The following SEMA3C variants were observed in gnomAD, a reference collection of about 807,000 sequenced individuals.
SEMA3C encodes the protein semaphorin 3C.
SEMA3C carries 47 observed loss-of-function variants against 89.4 expected under a neutral mutation model. That is an observed-to-expected ratio of 0.53 (90% CI 0.42 to 0.67). The LOEUF (loss-of-function observed/expected upper bound fraction) is 0.67. SEMA3C is among the 30% of genes least tolerant of loss of function. The probability of loss-of-function intolerance (pLI) is 0.00; values close to 1 mark genes in which losing one functional copy is unlikely to be tolerated. For synonymous variants in SEMA3C, 310 were observed against 320.2 expected (o/e 0.97, Z 0.34); for missense variants, 839 against 929.1 (o/e 0.90, Z 1.26).
At chr7:80,804,705 C>T (rs1158966431) in intron 7 of SEMA3C, among the ~76,000 whole-genome samples, 1 of 152,056 alleles carries the variant, frequency 6.6e-6, no homozygotes, top group African/African-American at 2.4e-5. Context: ...GGAAAAACAG[C>T]GTCATTAGTC....
chr7:80,880,411 C>T (rs1450077336), intron 2 of SEMA3C, among the ~76,000 whole-genome samples: 2 of 152,186 alleles, frequency 1.3e-5, no homozygotes, highest in East Asian at 3.9e-4. Context: ...GTCTCTAACT[C>T]AGTATCTGGC....
rs758252133 is a variant in SEMA3C, at chr7:80,802,716, C to G, written c.865G>C (p.Val289Leu). The part of the protein sequence containing the change: ...KWTTFLKARL[V>L]CSVTDEDGPE... ...CCGTCTTCATCTGTTACCGAGCACA[C>G]CAGCCTCGCCTTTAAGAAAGTGGTC... Residue 289 changes from valine to leucine, a missense_variant, in exon 9 of 18, where the codon GTG becomes CTG. Transcript: ENST00000265361. 5 of 1,613,594 alleles carry G rather than the reference C, an allele frequency of 3.1e-6. No individual in the cohort carries two copies. In the East Asian group the frequency reaches 1.1e-4, roughly 36 times the overall value.
chr7:80,900,249 G>A (rs1283729980), intron 2 of SEMA3C, among the ~76,000 whole-genome samples: 3 of 152,032 alleles, frequency 2.0e-5, no homozygotes, highest in African/African-American at 7.2e-5. Context: ...GGGTAGCTGG[G>A]ACTACAGGTG....
In SEMA3C at chr7:80,750,473, T is replaced by TATATATACACAC. The variant is rs869227686; in HGVS notation, c.1711+795_1711+796insGTGTGTATATAT. Reference sequence around the variant, plus strand: ...ATATATATATATATATATATATATATACACACACACACACACACACACACA... The same window carrying TATATATACACAC: ...ATATATATATATATATATATATATATATATATACACACACACACACACACACACACACACACA... On this transcript the variant is annotated intron_variant, in intron 16 of 17. Coordinates refer to ENST00000265361, the MANE Select transcript of SEMA3C (RefSeq NM_006379.5). Among the ~76,000 whole-genome samples, 160 of 55,306 alleles carry TATATATACACAC rather than the reference T, an allele frequency of 2.9e-3. 1 individual carries two copies. Among genetic ancestry groups the TATATATACACAC allele is most frequent in the Non-Finnish European group, 3.6e-3 (101 of 28,342 alleles). 36.3% of individuals were successfully genotyped at this position (55,306 alleles called of 152,430 possible). A position where few individuals can be genotyped will look rare whatever the true frequency, so the allele number is the denominator to read the frequency against.
At chr7:80,813,575 A>G (rs1180662520) in intron 5 of SEMA3C, among the ~76,000 whole-genome samples, 1 of 152,228 alleles carries the variant, frequency 6.6e-6, no homozygotes, top group Non-Finnish European at 1.5e-5. Flanking sequence ...TATATCCACT[A>G]ATACATGAGA....
Position 80,749,568 on chromosome 7 carries a change from A to G in SEMA3C, c.1712-540T>C, listed in dbSNP as rs571271257. 5.3e-5 allele frequency among the ~76,000 whole-genome samples: 8 copies of G among 152,324 alleles called. No individual in the cohort carries two copies. In the South Asian group the frequency reaches 1.7e-3, roughly 32 times the overall value. On this transcript the variant is annotated intron_variant, in intron 16 of 17. Transcript: ENST00000265361. ...TTGAGAACACTGTCTTTGGAATCAG[A>G]GGAACGTAGGGCAAAATCCTGACCT...
chr7:80,802,486 C>T (rs986266603), intron 9 of SEMA3C, among the ~76,000 whole-genome samples, 179 bp downstream of exon 9: 15 of 151,920 alleles, frequency 9.9e-5, no homozygotes, highest in African/African-American at 2.4e-4. Flanking sequence ...CACTCATGGG[C>T]GTAACAGATT....
At chr7:80,855,035 A>T (rs546441762) in intron 2 of SEMA3C, among the ~76,000 whole-genome samples, 123 of 152,292 alleles carry the variant, frequency 8.1e-4, no homozygotes, top group Non-Finnish European at 1.4e-3. Context: ...TGATATTAGA[A>T]TAATATACAA....
intron 2 of SEMA3C, among the ~76,000 whole-genome samples, chr7:80,906,509 T>C (rs1792018988): frequency 6.6e-6 from 1 of 152,020 alleles, no homozygotes; most frequent in Non-Finnish European, 1.5e-5. Flanking sequence ...AGACTAAGCT[T>C]GATCATCTTT....
At chr7:80,865,405 T>C (rs1790902155) in intron 2 of SEMA3C, among the ~76,000 whole-genome samples, 1 of 152,214 alleles carries the variant, frequency 6.6e-6, no homozygotes, top group South Asian at 2.1e-4. Context: ...ATTCTACTAA[T>C]ATATTCCAAT....
chr7:80,816,926 A>T (rs913520527), intron 5 of SEMA3C, among the ~76,000 whole-genome samples: 1 of 152,200 alleles, frequency 6.6e-6, no homozygotes, highest in Non-Finnish European at 1.5e-5. Context: ...TTTTATTTGA[A>T]ATCTGTGCTC....
intron 12 of SEMA3C, among the ~76,000 whole-genome samples, chr7:80,786,039 A>G (rs1294913602): frequency 1.3e-5 from 2 of 152,210 alleles, no homozygotes; most frequent in Non-Finnish European, 2.9e-5. Flanking sequence ...TCTCTTCAGT[A>G]AGATGCTGTT....
intron 4 of SEMA3C, among the ~76,000 whole-genome samples, chr7:80,824,526 T>C (rs955309866): frequency 6.6e-6 from 1 of 152,194 alleles, no homozygotes; most frequent in Non-Finnish European, 1.5e-5. Context: ...GGTACAACTT[T>C]TTCGAATTTC....
chr7:80,896,382 C>G (rs1220151913), intron 2 of SEMA3C, among the ~76,000 whole-genome samples: 2 of 152,166 alleles, frequency 1.3e-5, no homozygotes, highest in Non-Finnish European at 2.9e-5. Flanking sequence ...AGTCCTTTCT[C>G]ATTTCTCTAT....
chr7:80,878,476 G>C (rs1791251981), intron 2 of SEMA3C, among the ~76,000 whole-genome samples: 1 of 152,150 alleles, frequency 6.6e-6, no homozygotes, highest in African/African-American at 2.4e-5. Context: ...TATATTATAA[G>C]CTATAAAGGA....
chr7:80,806,019 G>C (rs1487850509), intron 6 of SEMA3C, among the ~76,000 whole-genome samples: 1 of 151,892 alleles, frequency 6.6e-6, no homozygotes, highest in Non-Finnish European at 1.5e-5. Flanking sequence ...AAAAGTGAGA[G>C]TTCCTCTACC....
At chr7:80,879,048 T>A (rs1223924088) in intron 2 of SEMA3C, among the ~76,000 whole-genome samples, 1 of 152,082 alleles carries the variant, frequency 6.6e-6, no homozygotes, top group African/African-American at 2.4e-5. Context: ...AGAGGTCCCT[T>A]CATTGAGGTA....
rs1355963783 is a variant in SEMA3C, at chr7:80,843,098, ATAGAGT to A, written c.104-14359_104-14354del. 2.6e-5 allele frequency among the ~76,000 whole-genome samples: 4 copies of A among 152,280 alleles called. No individual in the cohort carries two copies. The East Asian group carries it at 7.7e-4, about 29-fold the overall frequency. ...GAGAAGTTGGTTAATGGATACAAAC[ATAGAGT>A]TAGATAGAAGTAATAAGTTCTAATG... On this transcript the variant is annotated intron_variant, in intron 2 of 17. Transcript: ENST00000265361.
intron 12 of SEMA3C, among the ~76,000 whole-genome samples, chr7:80,765,658 C>T (rs1400784569): frequency 1.3e-5 from 2 of 152,080 alleles, no homozygotes; most frequent in East Asian, 3.9e-4. Context: ...GTCACTGCAA[C>T]CTCCACCTTC....
Sources: gnomAD v4.1 joint callset for allele counts (sites outside exome capture counted in the v4.1 genomes callset) on GRCh38, gnomAD v4.1.1 for gene constraint, MANE v1.5 for transcripts, NCBI Gene and HGNC (gene_info 2026-07-23, HGNC 2026-07-21) for gene names.